CIT: variants seen among roughly 807,000 people sequenced by gnomAD.
CIT encodes citron rho-interacting serine/threonine kinase.
A neutral mutation model predicts 272.7 loss-of-function variants in CIT; 79 were observed. That is an observed-to-expected ratio of 0.29 (90% CI 0.24 to 0.35). The LOEUF is 0.35. Ranked by LOEUF, CIT falls within the 10% of genes least tolerant of loss-of-function variation. The probability of loss-of-function intolerance (pLI) is 1.00; values close to 1 mark genes in which losing one functional copy is unlikely to be tolerated. For missense variants in CIT, 1,909 were observed against 2,618.3 expected, an observed-to-expected ratio of 0.73 and a Z score of 5.91; for synonymous variants, 948 against 995.6, an observed-to-expected ratio of 0.95 and a Z score of 0.90.
rs1005568071 is a variant in CIT, at chr12:119,810,708, A to G, written c.1112-7319T>C. Among the ~76,000 whole-genome samples, 8 of 15,560 alleles carry G rather than the reference A, an allele frequency of 5.1e-4. No homozygotes were observed. In the East Asian group the frequency reaches 0.15, roughly 292 times the overall value. 10.2% of individuals were successfully genotyped at this position (15,560 alleles called of 152,430 possible). ...CAGAGTGAGATTCCATCATCTCAGA[A>G]AAAAAAAAAAAAAAAAAAGTGGCAA... On this transcript the variant is annotated intron_variant, in intron 9 of 47. Transcript: ENST00000392521.
chr12:119,798,250 T>C (rs543014670), intron 10 of CIT, among the ~76,000 whole-genome samples: 1 of 152,164 alleles, frequency 6.6e-6, no homozygotes, highest in South Asian at 2.1e-4. Context: ...TGCCCCAACC[T>C]CATCATTCGT....
chr12:119,860,630 T>C (rs1213152191), intron 3 of CIT, among the ~76,000 whole-genome samples: 1 of 152,116 alleles, frequency 6.6e-6, no homozygotes, highest in Non-Finnish European at 1.5e-5. Context: ...TTAATAACTC[T>C]GGGCCTGTCA....
Position 119,687,863 on chromosome 12 carries a change from C to A in CIT, c.*369G>T, listed in dbSNP as rs1334285675. The A allele has an allele frequency of 1.4e-5, 3 of 207,118 alleles. No homozygotes were observed. Among genetic ancestry groups the A allele is most frequent in the Non-Finnish European group, 2.9e-5 (3 of 105,204 alleles). 12.8% of individuals were successfully genotyped at this position (207,118 alleles called of 1,614,324 possible). On this transcript the variant is annotated 3_prime_UTR_variant, in exon 48 of 48. Transcript: ENST00000392521. ...AAGAAAAACCAACCAATCCTAGGAT[C>A]TTAAAGTAGCTAATTAGGATTCTAA...
chr12:119,709,210 A>G (rs1325152080), intron 39 of CIT, among the ~76,000 whole-genome samples: 1 of 152,206 alleles, frequency 6.6e-6, no homozygotes, highest in Admixed American at 6.5e-5. Flanking sequence ...GTGTGGATAC[A>G]TGTCATTATA....
At chr12:119,861,369 T>G (rs1950332007) in intron 3 of CIT, among the ~76,000 whole-genome samples, 1 of 152,098 alleles carries the variant, frequency 6.6e-6, no homozygotes. Flanking sequence ...GTGGATCACC[T>G]GAGGTCAAGA....
chr12:119,863,525 T>G (rs1415633362), intron 3 of CIT, among the ~76,000 whole-genome samples: 1 of 151,692 alleles, frequency 6.6e-6, no homozygotes, highest in African/African-American at 2.4e-5. Context: ...TTTTTTTTTG[T>G]TTTTTTTGTT....
In CIT at chr12:119,825,280, C is replaced by T. The variant is rs1968070757; in HGVS notation, c.842G>A (p.Gly281Asp). The change falls in exon 8 of 48, where the codon GGC becomes GAC. Residue 281 changes from glycine (G) to aspartate (D), a missense_variant. Around this residue, in one of 8 missense-constraint regions of CIT, gnomAD observed 529 missense variants for 549.6 expected, o/e 0.96. Coordinates refer to ENST00000392521, the MANE Select transcript of CIT (RefSeq NM_001206999.2). The part of the protein sequence containing the change: ...VMNGDGKGTY[G>D]LDCDWWSVGV... ...CACTGACCACCAGTCACAGTCCAGG[C>T]CGTAGGTGCCTTTTCCATCCCCGTT... 6.2e-7 allele frequency: 1 copy of T among 1,614,126 alleles called. No individual in the cohort carries two copies.
intron 24 of CIT, among the ~76,000 whole-genome samples, chr12:119,742,196 C>T (rs1959089747): frequency 6.6e-6 from 1 of 152,156 alleles, no homozygotes; most frequent in African/African-American, 2.4e-5. Context: ...TTCCCCAAAA[C>T]ATGAAGAATG....
intron 3 of CIT, 102 bp from the exon 4 acceptor site, chr12:119,857,800 CCTCA>C (rs1555266085): frequency 6.7e-6 from 7 of 1,045,994 alleles, no homozygotes; most frequent in Non-Finnish European, 9.7e-6. Context: ...GGATAGCTTC[CCTCA>C]CTGTCAAAGA....
chr12:119,850,812 A>C lies in CIT; in HGVS notation c.415-537T>G, dbSNP rs189600988. On this transcript the variant is annotated intron_variant, in intron 4 of 47. Coordinates refer to ENST00000392521, the MANE Select transcript of CIT (RefSeq NM_001206999.2). Reference sequence around the variant, plus strand: ...AAGCAACGTGAGGAGGGCAGCACTCATGTGTGGGGGCAGCCCAGTATCACA... The same window carrying C: ...AAGCAACGTGAGGAGGGCAGCACTCCTGTGTGGGGGCAGCCCAGTATCACA... Among the ~76,000 whole-genome samples the C allele has an allele frequency of 3.3e-3, 500 of 152,290 alleles. 2 individuals carry two copies. Among genetic ancestry groups the C allele is most frequent in the African/African-American group, 0.011 (466 of 41,564 alleles).
chr12:119,702,023 G>A, intron 41 of CIT, 65 bp from the exon 42 acceptor site: 4 of 1,218,114 alleles, frequency 3.3e-6, no homozygotes, highest in Middle Eastern at 2.3e-4. Context: ...GTCCACAGCT[G>A]TTCTGCTTCT....
rs1394255821 is a variant in CIT, at chr12:119,686,972, C to G, written c.*1260G>C. ...CACAGTTTCGTGGGGTAGAACCGCG[C>G]TGGATTGGGTGTGAACAGAGTCATC... On this transcript the variant is annotated 3_prime_UTR_variant, in exon 48 of 48. Transcript: ENST00000392521. 1 of 152,680 alleles carries G rather than the reference C, an allele frequency of 6.5e-6. No homozygotes were observed. The allele number at this position is 152,680 out of a possible 1,614,324, so 9.5% of individuals were successfully genotyped here.
intron 9 of CIT, among the ~76,000 whole-genome samples, chr12:119,810,660 G>A (rs1023625969): frequency 2.0e-5 from 3 of 149,602 alleles, no homozygotes; most frequent in Non-Finnish European, 4.4e-5. Flanking sequence ...CCGAGATGGT[G>A]GCACTGCCTC....
intron 24 of CIT, 49 bp downstream of exon 24, chr12:119,742,362 T>C: frequency 7.3e-7 from 1 of 1,362,090 alleles, no homozygotes. Context: ...TTTCCTCCTC[T>C]GTTTTAGTTT....
rs1211197531 is a variant in CIT, at chr12:119,697,481, T to C, written c.5882+178A>G. Among the ~76,000 whole-genome samples, 1 of 152,234 alleles carries C rather than the reference T, an allele frequency of 6.6e-6. No individual in the cohort carries two copies. The highest frequency in any genetic ancestry group is 1.5e-5 in the Non-Finnish European group (1 of 68,048). On this transcript the variant is annotated intron_variant, in intron 46 of 47. Transcript: ENST00000392521. The surrounding 1 kb of genome is among the most constrained non-coding windows in gnomAD (Gnocchi z 4.9). ...TTTGCAAGGTGGTATTTTCTAATTC[T>C]CCTGATGCTCATAATGGTCTGTGTT...
intron 26 of CIT, among the ~76,000 whole-genome samples, chr12:119,730,996 G>T (rs1237260606): frequency 6.6e-6 from 1 of 151,846 alleles, no homozygotes; most frequent in East Asian, 1.9e-4. Context: ...GTGTGGTGGC[G>T]TGCGCCCCTA....
At position 119,845,069 on chromosome 12, in the gene CIT, G is replaced by A. The variant is rs142924576; in HGVS notation, c.516+5105C>T. Among the ~76,000 whole-genome samples the A allele has an allele frequency of 7.7e-3, 1,165 of 151,886 alleles. 13 individuals carry two copies. Among genetic ancestry groups the A allele is most frequent in the African/African-American group, 0.027 (1,115 of 41,402 alleles). Reference sequence around the variant, plus strand: ...CAGGAGGTGGAGGTTGCACTGAGCCGAGATTGCGCCACTGAACTCCAGCCT... The same window carrying A: ...CAGGAGGTGGAGGTTGCACTGAGCCAAGATTGCGCCACTGAACTCCAGCCT... On this transcript the variant is annotated intron_variant, in intron 5 of 47. Coordinates refer to ENST00000392521, the MANE Select transcript of CIT (RefSeq NM_001206999.2).
chr12:119,825,447 A>G, intron 7 of CIT, 79 bp from the exon 8 acceptor site: 2 of 1,345,732 alleles, frequency 1.5e-6, no homozygotes, highest in Non-Finnish European at 2.1e-6. Flanking sequence ...CATTTCAGAC[A>G]CAAGCTGATT....
intron 39 of CIT, among the ~76,000 whole-genome samples, chr12:119,709,487 G>C (rs577511717): frequency 2.3e-4 from 35 of 152,286 alleles, no homozygotes; most frequent in Middle Eastern, 3.4e-3. Context: ...GAGAGGAAGA[G>C]ACGGAGGAAA....
Sources: gnomAD v4.1 joint callset for allele counts (sites outside exome capture counted in the v4.1 genomes callset) on GRCh38, gnomAD v4.1.1 for gene constraint, gnomAD v4.1.1 regional missense constraint, Gnocchi (gnomAD v3.1) non-coding constraint, MANE v1.5 for transcripts, NCBI Gene and HGNC (gene_info 2026-07-23, HGNC 2026-07-21) for gene names.